The following COX7B2 variants were observed in gnomAD, a reference collection of about 807,000 sequenced individuals.
COX7B2 encodes cytochrome c oxidase subunit 7B2.
For synonymous variants in COX7B2, 37 were observed against 32.1 expected (o/e 1.15, Z -0.51); for missense variants, 109 against 95.9 (o/e 1.14, Z -0.57).
chr4:46,803,863 T>C (rs1259033657), intron 2 of COX7B2, among the ~76,000 whole-genome samples: 1 of 152,116 alleles, frequency 6.6e-6, no homozygotes, highest in Non-Finnish European at 1.5e-5. Context: ...TAGAGCAATC[T>C]TCTCTACTAA....
At chr4:46,763,879 G>C (rs534589130) in intron 2 of COX7B2, among the ~76,000 whole-genome samples, 3 of 152,076 alleles carry the variant, frequency 2.0e-5, no homozygotes, top group Non-Finnish European at 4.4e-5. Context: ...TGATTCCCCA[G>C]TCCAGATTTT....
chr4:46,789,818 C>A (rs894342840), intron 2 of COX7B2, among the ~76,000 whole-genome samples: 1 of 151,588 alleles, frequency 6.6e-6, no homozygotes, highest in African/African-American at 2.4e-5. Flanking sequence ...TGGGGAATTA[C>A]TTTTATAGAT....
intron 2 of COX7B2, among the ~76,000 whole-genome samples, chr4:46,797,089 TAATA>T (rs1560386653): frequency 2.8e-5 from 1 of 35,776 alleles, no homozygotes. Context: ...ACTTAGAGTA[TAATA>T]AAAAAAAAAA....
intron 2 of COX7B2, among the ~76,000 whole-genome samples, chr4:46,771,423 A>C (rs975968856): frequency 2.0e-5 from 3 of 152,130 alleles, no homozygotes; most frequent in African/African-American, 7.2e-5. Flanking sequence ...CATAAAAATA[A>C]AAATATAACC....
intron 1 of COX7B2, among the ~76,000 whole-genome samples, chr4:46,849,037 T>G (rs141760088): frequency 6.6e-4 from 100 of 152,130 alleles, no homozygotes; most frequent in Middle Eastern, 3.4e-3. Flanking sequence ...AGAAAAAAAG[T>G]CTGTACATGT....
intron 2 of COX7B2, among the ~76,000 whole-genome samples, chr4:46,765,142 T>C (rs1217006947): frequency 2.0e-5 from 3 of 151,612 alleles, no homozygotes; most frequent in Non-Finnish European, 4.4e-5. Context: ...ATTTGAACAA[T>C]CATCCATGCA....
In COX7B2 at chr4:46,794,038, A is replaced by C. The variant is rs77970437; in HGVS notation, c.-50+50922T>G. Among the ~76,000 whole-genome samples, 185 of 152,286 alleles carry C rather than the reference A, an allele frequency of 1.2e-3. 1 individual carries two copies. Among genetic ancestry groups the C allele is most frequent in the African/African-American group, 4.2e-3 (175 of 41,562 alleles). On this transcript the variant is annotated intron_variant, in intron 2 of 2. Transcript: ENST00000355591. ...ACCAATTCTCTTCAGTACCCATCCC[A>C]CAGCCTCTCTTTGTTTCTACATCTA...
chr4:46,867,875 T>G (rs1489117416), intron 1 of COX7B2, among the ~76,000 whole-genome samples: 1 of 152,226 alleles, frequency 6.6e-6, no homozygotes, highest in Non-Finnish European at 1.5e-5. Flanking sequence ...GGTATCAGGA[T>G]TACACTGGCT....
intron 1 of COX7B2, among the ~76,000 whole-genome samples, chr4:46,898,309 T>C (rs1431967745): frequency 6.6e-6 from 1 of 152,234 alleles, no homozygotes; most frequent in East Asian, 1.9e-4. Flanking sequence ...CTCTTCTGAA[T>C]TCTCTTCTCC....
At chr4:46,900,670 G>A (rs1720026643) in intron 1 of COX7B2, among the ~76,000 whole-genome samples, 2 of 152,126 alleles carry the variant, frequency 1.3e-5, no homozygotes, top group Admixed American at 6.5e-5. Context: ...AGAGGTGGGG[G>A]CCTTTGATAG....
At chr4:46,766,000 A>G (rs1156315732) in intron 2 of COX7B2, among the ~76,000 whole-genome samples, 1 of 151,566 alleles carries the variant, frequency 6.6e-6, no homozygotes, top group Non-Finnish European at 1.5e-5. Context: ...GTGGATGCAA[A>G]CTCCAGTCCA....
intron 2 of COX7B2, among the ~76,000 whole-genome samples, chr4:46,832,583 C>T (rs372020867): frequency 1.3e-5 from 2 of 151,964 alleles, no homozygotes; most frequent in East Asian, 1.9e-4. Flanking sequence ...GAGGTCTGAC[C>T]CCTCCAAATC....
At chr4:46,750,143 T>C (rs1482933773) in intron 2 of COX7B2, among the ~76,000 whole-genome samples, 7 of 150,032 alleles carry the variant, frequency 4.7e-5, no homozygotes, top group Admixed American at 2.7e-4. Context: ...GAAGGATCGC[T>C]TGAGGCCAGG....
chr4:46,793,364 G>A lies in COX7B2; in HGVS notation c.-50+51596C>T, dbSNP rs377466733. On this transcript the variant is annotated intron_variant, in intron 2 of 2. Coordinates refer to ENST00000355591, the MANE Select transcript of COX7B2 (RefSeq NM_130902.3). The stretch of plus-strand genomic sequence containing the variant: ...GTTTGGAATGTTTCTGGCTGGAGAT[G>A]TTATTTATGATTTATGGTCATGCTG... Among the ~76,000 whole-genome samples the A allele has an allele frequency of 2.0e-5, 3 of 152,120 alleles. No individual in the cohort carries two copies. The East Asian group carries it at 5.8e-4, about 29-fold the overall frequency.
intron 2 of COX7B2, among the ~76,000 whole-genome samples, chr4:46,830,339 A>G (rs545280064): frequency 3.7e-4 from 56 of 151,624 alleles, no homozygotes; most frequent in South Asian, 1.0e-3. Flanking sequence ...AAAAAAAAAA[A>G]AAAAGAAAAA....
At chr4:46,818,054 C>T (rs1175869016) in intron 2 of COX7B2, among the ~76,000 whole-genome samples, 8 of 152,160 alleles carry the variant, frequency 5.3e-5, no homozygotes, top group Non-Finnish European at 1.2e-4. Context: ...TTATTATGCT[C>T]ATTACAAAAG....
chr4:46,814,969 T>G (rs767728216), intron 2 of COX7B2, among the ~76,000 whole-genome samples: 1 of 152,016 alleles, frequency 6.6e-6, no homozygotes, highest in Admixed American at 6.6e-5. Context: ...GCGAATCACT[T>G]CAGGCCAGGA....
At chr4:46,741,524 G>A (rs192541126) in intron 2 of COX7B2, among the ~76,000 whole-genome samples, 69 of 151,944 alleles carry the variant, frequency 4.5e-4, no homozygotes, top group Middle Eastern at 3.4e-3. Context: ...TCACTTCTCC[G>A]CCATGAATGA....
At chr4:46,781,659 G>C (rs1027734631) in intron 2 of COX7B2, among the ~76,000 whole-genome samples, 8 of 152,196 alleles carry the variant, frequency 5.3e-5, no homozygotes, top group Non-Finnish European at 1.2e-4. Flanking sequence ...GGCTCCCTCT[G>C]CTTGCCAGGA....
Sources: gnomAD v4.1 joint callset for allele counts (sites outside exome capture counted in the v4.1 genomes callset) on GRCh38, gnomAD v4.1.1 for gene constraint, MANE v1.5 for transcripts, NCBI Gene and HGNC (gene_info 2026-07-23, HGNC 2026-07-21) for gene names.